Variants in ZNF180 observed in about 807,000 individuals in gnomAD.
ZNF180 encodes zinc finger protein 180 (HHZ168).
Under a neutral mutation model 11.8 loss-of-function variants are expected in ZNF180, and 11 were observed. The observed-to-expected ratio is 0.93, with a 90% CI of 0.59 to 1.55. The LOEUF is 1.55. Ranked by LOEUF, ZNF180 falls within the 40% of genes most tolerant of loss-of-function variation. The pLI is 0.00. For synonymous variants in ZNF180, 287 were observed against 257.7 expected (o/e 1.11, Z -1.09); for missense variants, 773 against 781.7 (o/e 0.99, Z 0.13).
intron 2 of ZNF180, among the ~76,000 whole-genome samples, chr19:44,487,733 T>C (rs1416064560): frequency 6.6e-6 from 1 of 152,054 alleles, no homozygotes; most frequent in African/African-American, 2.4e-5. Context: ...TTGTTTGTTT[T>C]GGTTTTGGTT....
intron 2 of ZNF180, among the ~76,000 whole-genome samples, chr19:44,491,581 T>C (rs35659157): frequency 0.31 from 46,435 of 151,994 alleles, 7,843 homozygotes; most frequent in African/African-American, 0.44. Flanking sequence ...TCTAAACTTT[T>C]TTTTTAAGAG....
intron 2 of ZNF180, among the ~76,000 whole-genome samples, chr19:44,491,101 C>A (rs544300143): frequency 2.3e-3 from 343 of 152,332 alleles, no homozygotes; most frequent in Middle Eastern, 0.014. Context: ...ACATAGCAGG[C>A]TCTTCATAAA....
intron 2 of ZNF180, among the ~76,000 whole-genome samples, chr19:44,488,606 G>A (rs1171203896): frequency 6.6e-6 from 1 of 152,018 alleles, no homozygotes; most frequent in Non-Finnish European, 1.5e-5. Context: ...CGTGATCTCG[G>A]CTCGCTACAA....
rs59649924 is a variant in ZNF180 at position 44,495,782 on chromosome 19, A to G, written c.51+1502T>C. Among the ~76,000 whole-genome samples the G allele has an allele frequency of 0.013, 1,949 of 151,986 alleles. 34 individuals carry two copies. The highest frequency in any genetic ancestry group is 0.045 in the African/African-American group (1,867 of 41,458). On this transcript the variant is annotated intron_variant, in intron 2 of 4. Transcript: ENST00000592529. This position sits in a 1 kb window ranked among gnomAD's most constrained non-coding sequence, Gnocchi z 4.5. ...TCTTCATTCCACTTGGGCTCTGACT[A>G]TGCTGGGATGTCATCCTGTGCAGAT...
intron 2 of ZNF180, among the ~76,000 whole-genome samples, chr19:44,496,211 G>T (rs985887511): frequency 1.3e-5 from 2 of 151,702 alleles, no homozygotes; most frequent in African/African-American, 4.8e-5. Context: ...TAGAGACAGG[G>T]TCTCACTATG....
rs752192949 is a variant in ZNF180 at position 44,476,610 on chromosome 19, T to C, written c.1790A>G (p.Gln597Arg). The change falls in exon 5 of 5, where the codon CAG becomes CGG. Residue 597 changes from glutamine (Q) to arginine (R), a missense_variant. Gln to Arg is a conservative substitution (Grantham distance 43). Coordinates refer to ENST00000592529, the MANE Select transcript of ZNF180 (RefSeq NM_001278509.3). ...TGGTTTCTCTCCAGTATGAGTTCTC[T>C]GATGTTGAGTAAGGCATGAACTCTG... ...FRQSSCLTQHQRTHTGEKPFE... is the reference protein window; with the variant it reads ...FRQSSCLTQHRRTHTGEKPFE... 2 of 1,614,186 alleles carry C rather than the reference T, an allele frequency of 1.2e-6. No individual in the cohort carries two copies. The highest frequency in any genetic ancestry group is 1.1e-5 in the South Asian group (1 of 91,080).
Position 44,489,967 on chromosome 19 carries a change from A to AAAAG in ZNF180, c.52-5536_52-5533dup, listed in dbSNP as rs140750985. ...AAAGAAAGAGGGAAAAGAAAGAAAG[A>AAAAG]AAAGAAAGAAAGAAAGAAAGAAAAA... On this transcript the variant is annotated intron_variant, in intron 2 of 4. Transcript: ENST00000592529. Among the ~76,000 whole-genome samples, 510 of 144,516 alleles carry AAAAG rather than the reference A, an allele frequency of 3.5e-3. 2 individuals are homozygous for AAAAG. Among genetic ancestry groups the AAAAG allele is most frequent in the Non-Finnish European group, 5.0e-3 (335 of 66,560 alleles). The allele number at this position is 144,516 out of a possible 152,430, so 94.8% of individuals were successfully genotyped here. A position where few individuals can be genotyped will look rare whatever the true frequency, so the allele number is the denominator to read the frequency against.
intron 2 of ZNF180, among the ~76,000 whole-genome samples, chr19:44,490,749 TC>T (rs1339455295): frequency 1.3e-5 from 2 of 152,218 alleles, no homozygotes; most frequent in Non-Finnish European, 2.9e-5. Flanking sequence ...TTCCAAAATG[TC>T]ACTATCTGCC....
intron 2 of ZNF180, among the ~76,000 whole-genome samples, chr19:44,493,680 T>G (rs1273239068): frequency 6.6e-6 from 1 of 152,160 alleles, no homozygotes; most frequent in South Asian, 2.1e-4. Context: ...TGATGGTGTG[T>G]CACTTCTGAA....
intron 3 of ZNF180, among the ~76,000 whole-genome samples, chr19:44,479,690 C>T (rs1316659120): frequency 6.6e-6 from 1 of 152,188 alleles, no homozygotes; most frequent in Non-Finnish European, 1.5e-5. Context: ...GATGCTTATT[C>T]TGACTTTTGC....
chr19:44,498,156 A>C (rs1970638645), intron 1 of ZNF180, among the ~76,000 whole-genome samples: 1 of 152,134 alleles, frequency 6.6e-6, no homozygotes, highest in Non-Finnish European at 1.5e-5. Context: ...CTCAGGCCTG[A>C]AACTACAACA....
At chr19:44,494,919 C>T (rs978300021) in intron 2 of ZNF180, among the ~76,000 whole-genome samples, 8 of 152,118 alleles carry the variant, frequency 5.3e-5, no homozygotes, top group East Asian at 3.9e-4. Flanking sequence ...ACTAGGTATG[C>T]GTAGTGGTAT....
Position 44,500,353 on chromosome 19 carries a change from C to T in ZNF180, c.-122G>A. 1.4e-6 allele frequency: 2 copies of T among 1,418,942 alleles called. No individual in the cohort carries two copies. Among genetic ancestry groups the T allele is most frequent in the Non-Finnish European group, 2.0e-6 (2 of 1,015,930 alleles). The allele number at this position is 1,418,942 out of a possible 1,614,324, so 87.9% of individuals were successfully genotyped here. A position where few individuals can be genotyped will look rare whatever the true frequency, so the allele number is the denominator to read the frequency against. On this transcript the variant is annotated 5_prime_UTR_variant, in exon 1 of 5. Transcript: ENST00000592529. The stretch of plus-strand genomic sequence containing the variant: ...TAGCACGGCTCTGCGGCAGGACGAA[C>T]TCGGGTTAGGCAACCCCCTGCCCCG...
intron 2 of ZNF180, among the ~76,000 whole-genome samples, chr19:44,497,040 AATCAGCATTTT>A (rs1321356738): frequency 6.6e-6 from 1 of 152,218 alleles, no homozygotes; most frequent in Non-Finnish European, 1.5e-5. Flanking sequence ...GCCAAAAGGG[AATCAGCATTTT>A]AAGGGCTTTT....
In ZNF180 at chr19:44,477,258, G is replaced by T. The variant is rs751745165; in HGVS notation, c.1142C>A (p.Pro381His). 1.9e-6 allele frequency: 3 copies of T among 1,613,998 alleles called. No individual in the cohort carries two copies. Among genetic ancestry groups the T allele is most frequent in the Non-Finnish European group, 2.5e-6 (3 of 1,180,010 alleles). The change falls in exon 5 of 5, where the codon CCT (proline) becomes CAT (histidine). Residue 381 changes from proline to histidine, a missense_variant. Transcript: ENST00000592529. Reference sequence around the variant, plus strand: ...TTTCCCACATTGATTACACCTGTAAGGTTTCTCTCCAGTATGAGTTCTCTG... The same window carrying T: ...TTTCCCACATTGATTACACCTGTAATGTTTCTCTCCAGTATGAGTTCTCTG... ...SHQRTHTGEK[P>H]YRCNQCGKSF... is the part of the protein sequence containing the mutation.
intron 2 of ZNF180, among the ~76,000 whole-genome samples, chr19:44,490,195 G>C (rs1970416408): frequency 6.7e-6 from 1 of 150,058 alleles, no homozygotes; most frequent in South Asian, 2.1e-4. Context: ...AGGGAGGGAG[G>C]ATGGAAGGAA....
chr19:44,494,092 T>C (rs1970516151), intron 2 of ZNF180, among the ~76,000 whole-genome samples: 1 of 152,166 alleles, frequency 6.6e-6, no homozygotes, highest in Non-Finnish European at 1.5e-5. Context: ...ACAAACAGGA[T>C]GTTTTTGCTT....
At chr19:44,489,197 G>GT (rs1970351624) in intron 2 of ZNF180, among the ~76,000 whole-genome samples, 2 of 59,484 alleles carry the variant, frequency 3.4e-5, no homozygotes, top group Admixed American at 2.6e-4. Flanking sequence ...TCTGGGAGGT[G>GT]AGGGGCGCCT....
chr19:44,490,638 ACT>A (rs1416623782), intron 2 of ZNF180, among the ~76,000 whole-genome samples: 3 of 151,994 alleles, frequency 2.0e-5, no homozygotes, highest in Admixed American at 1.3e-4. Context: ...ATAATATCAC[ACT>A]CTGTTAATTA....
Sources: gnomAD v4.1 joint callset for allele counts (sites outside exome capture counted in the v4.1 genomes callset) on GRCh38, gnomAD v4.1.1 for gene constraint, Gnocchi (gnomAD v3.1) non-coding constraint, MANE v1.5 for transcripts, NCBI Gene and HGNC (gene_info 2026-07-23, HGNC 2026-07-21) for gene names.